Variants in KIF1B observed in about 807,000 individuals in gnomAD.
KIF1B encodes kinesin family member 1B, also known as kinesin-like protein KIF1B.
KIF1B carries 76 observed loss-of-function variants against 241.9 expected under a neutral mutation model. That is an observed-to-expected ratio of 0.31 (90% CI 0.26 to 0.38). The LOEUF is 0.38. KIF1B is among the 10% of genes least tolerant of loss of function. The pLI, the probability that KIF1B is intolerant of heterozygous loss-of-function variation, is 1.00. For synonymous variants in KIF1B, 750 were observed against 796.7 expected (o/e 0.94, Z 0.99); for missense variants, 1,622 against 2,271.4 (o/e 0.71, Z 5.81).
intron 27 of KIF1B, among the ~76,000 whole-genome samples, chr1:10,332,924 G>A (rs1358451007): frequency 6.6e-6 from 1 of 151,346 alleles, no homozygotes; most frequent in Non-Finnish European, 1.5e-5. Flanking sequence ...CGATTCTCCT[G>A]CTACAGCCTC....
At chr1:10,259,705 G>A (rs1460996923) in intron 4 of KIF1B, among the ~76,000 whole-genome samples, 3 of 151,870 alleles carry the variant, frequency 2.0e-5, no homozygotes, top group Non-Finnish European at 4.4e-5. Context: ...GTTTCACCAT[G>A]TTGGTCCTGG....
chr1:10,214,593 T>C (rs1441491138), intron 1 of KIF1B, among the ~76,000 whole-genome samples: 3 of 150,632 alleles, frequency 2.0e-5, no homozygotes, highest in African/African-American at 7.3e-5. Context: ...CTGCCCTTTT[T>C]TTTTTTTGGG....
At chr1:10,243,149 G>T (rs904493812) in intron 2 of KIF1B, among the ~76,000 whole-genome samples, 2 of 152,170 alleles carry the variant, frequency 1.3e-5, no homozygotes, top group Non-Finnish European at 2.9e-5. Context: ...AGGTGTGGTG[G>T]CTCACGCCTG....
At position 10,365,490 on chromosome 1, in the gene KIF1B, C is replaced by T; in HGVS notation, c.4594C>T (p.Pro1532Ser). 3.1e-6 allele frequency: 5 copies of T among 1,614,120 alleles called. No individual in the cohort carries two copies. Among genetic ancestry groups the T allele is most frequent in the Non-Finnish European group, 4.2e-6 (5 of 1,180,026 alleles). Reference protein sequence around the residue: ...IPKSLSDSLSPSLSSGTLSTS... With the variant: ...IPKSLSDSLSSSLSSGTLSTS... ...CAAATCCCTGAGCGACTCGTTATCCCCCAGCCTCAGCAGTGGGACCCTCAG... is the reference window on the plus strand; with the variant it reads ...CAAATCCCTGAGCGACTCGTTATCCTCCAGCCTCAGCAGTGGGACCCTCAG... Residue 1532 changes from proline (P) to serine (S), a missense_variant, in exon 43 of 49, where the codon CCC becomes TCC. Physicochemically the swap from Pro to Ser is moderately conservative, Grantham distance 74. This residue lies in a region of KIF1B where 357 missense variants were observed against 409.0 expected (regional missense o/e 0.87). Transcript: ENST00000676179. This position sits in a 1 kb window ranked among gnomAD's most constrained non-coding sequence, Gnocchi z 4.0.
Position 10,336,761 on chromosome 1 carries a change from G to A in KIF1B, c.3129+19G>A. On this transcript the variant is annotated intron_variant, in intron 29 of 48. Coordinates refer to ENST00000676179, the MANE Select transcript of KIF1B (RefSeq NM_001365951.3). Reference sequence around the variant, plus strand: ...TAATCAGGTGAGAAACCGTCAGGAAGAAGGAAAACCCTGTGGAAAGAGAAA... The same window carrying A: ...TAATCAGGTGAGAAACCGTCAGGAAAAAGGAAAACCCTGTGGAAAGAGAAA... 1 of 1,583,656 alleles carries A rather than the reference G, an allele frequency of 6.3e-7. No individual in the cohort carries two copies. The highest frequency in any genetic ancestry group is 8.7e-7 in the Non-Finnish European group (1 of 1,152,400).
At chr1:10,363,367 G>C in intron 41 of KIF1B, 23 bp downstream of exon 41, 1 of 1,582,024 alleles carries the variant, frequency 6.3e-7, no homozygotes, top group East Asian at 2.2e-5. Flanking sequence ...GGATTGAGGA[G>C]GTGATAGTTA....
At chr1:10,293,313 T>G (rs932966786) in intron 17 of KIF1B, among the ~76,000 whole-genome samples, 1 of 152,132 alleles carries the variant, frequency 6.6e-6, no homozygotes, top group Non-Finnish European at 1.5e-5. Flanking sequence ...GTTACAGTTT[T>G]GGTGGAATTT....
Position 10,303,011 on chromosome 1 carries a change from T to G in KIF1B, c.2115+5765T>G. 1.2e-6 allele frequency: 1 copy of G among 848,800 alleles called. No homozygotes were observed. Among genetic ancestry groups the G allele is most frequent in the Non-Finnish European group, 1.8e-6 (1 of 553,162 alleles). The allele number at this position is 848,800 out of a possible 1,614,324, so 52.6% of individuals were successfully genotyped here. A position where few individuals can be genotyped will look rare whatever the true frequency, so the allele number is the denominator to read the frequency against. ...AGACTTCCACATTATTGAGGGGTTT[T>G]TTTTGGTTTTGTTTTGTTTTTTAGT... On this transcript the variant is annotated intron_variant, in intron 22 of 48. Coordinates refer to ENST00000676179, the MANE Select transcript of KIF1B (RefSeq NM_001365951.3). The surrounding 1 kb of genome is among the most constrained non-coding windows in gnomAD (Gnocchi z 5.2).
chr1:10,364,484 G>A (rs1303513250), intron 41 of KIF1B, among the ~76,000 whole-genome samples: 1 of 145,304 alleles, frequency 6.9e-6, no homozygotes, highest in African/African-American at 2.4e-5. Context: ...GATTACAGGC[G>A]TGAGCCATCA....
chr1:10,222,386 G>A (rs1646857011), intron 1 of KIF1B, among the ~76,000 whole-genome samples: 1 of 152,160 alleles, frequency 6.6e-6, no homozygotes, highest in African/African-American at 2.4e-5. Context: ...AGGTTGGATT[G>A]TGGAGGCCCT....
intron 2 of KIF1B, among the ~76,000 whole-genome samples, chr1:10,238,386 A>G (rs1490902523): frequency 3.3e-5 from 5 of 150,526 alleles, no homozygotes; most frequent in African/African-American, 4.9e-5. Flanking sequence ...TGTCTCAAAA[A>G]AAAAAAAAAA....
At chr1:10,345,531 A>G (rs1652556897) in intron 34 of KIF1B, 3 of 357,648 alleles carry the variant, frequency 8.4e-6, no homozygotes, top group African/African-American at 4.2e-5. Flanking sequence ...CGTGTCACAC[A>G]ATCTGAGATT....
chr1:10,303,411 G>T lies in KIF1B; in HGVS notation c.2115+6165G>T. 1 of 1,614,220 alleles carries T rather than the reference G, an allele frequency of 6.2e-7. No individual in the cohort carries two copies. Among genetic ancestry groups the T allele is most frequent in the Non-Finnish European group, 8.5e-7 (1 of 1,180,030 alleles). ...ATCTTAAAATTCAGGCTGTCAAAGA[G>T]ATTTGCTATGAGGTTGCTCTCAATG... On this transcript the variant is annotated intron_variant, in intron 22 of 48. Transcript: ENST00000676179. This position sits in a 1 kb window ranked among gnomAD's most constrained non-coding sequence, Gnocchi z 5.2.
In KIF1B at chr1:10,273,024, C is replaced by G; in HGVS notation, c.875C>G (p.Thr292Ser). 4 of 1,546,280 alleles carry G rather than the reference C, an allele frequency of 2.6e-6. No homozygotes were observed. The highest frequency in any genetic ancestry group is 2.6e-6 in the Non-Finnish European group (3 of 1,143,350). Residue 292 changes from threonine (T) to serine (S), a missense_variant, in exon 10 of 49, where the codon ACT becomes AGT. Around this residue, in one of 7 missense-constraint regions of KIF1B, gnomAD observed 201 missense variants for 301.2 expected, o/e 0.67. Coordinates refer to ENST00000676179, the MANE Select transcript of KIF1B (RefSeq NM_001365951.3). The part of the protein sequence containing the change: ...ISALAEVDNC[T>S]SKSKKKKKTD... Reference sequence around the variant, plus strand: ...TGCTTTCACCTGTAGGATAACTGCACTAGCAAGGTACAGTGGGGATTGGTA... The same window carrying G: ...TGCTTTCACCTGTAGGATAACTGCAGTAGCAAGGTACAGTGGGGATTGGTA...
At position 10,313,670 on chromosome 1, in the gene KIF1B, G is replaced by C. The variant is rs111309149; in HGVS notation, c.2116-6373G>C. ...GGTTCACACCATTCTCCTGCCTCAG[G>C]CTCCCGAGTAGCTGGGACTACAGGT... On this transcript the variant is annotated intron_variant, in intron 22 of 48. Transcript: ENST00000676179. Among the ~76,000 whole-genome samples the C allele has an allele frequency of 3.5e-3, 513 of 146,168 alleles. 17 individuals are homozygous for C. Among genetic ancestry groups the C allele is most frequent in the African/African-American group, 0.013 (486 of 38,626 alleles).
Position 10,258,565 on chromosome 1 carries a change from T to A in KIF1B, c.256T>A (p.Phe86Ile), listed in dbSNP as rs1176904595. ...DIGKEMLLHA[F>I]EGYNVCIFAY... is the part of the protein sequence containing the mutation. The stretch of plus-strand genomic sequence containing the variant: ...TGGCAAGGAAATGCTCTTACACGCC[T>A]TTGAGGGATATAATGTCTGTATTTT... Residue 86 changes from phenylalanine (F) to isoleucine (I), a missense_variant, in exon 4 of 49, where the codon TTT (phenylalanine) becomes ATT (isoleucine). Coordinates refer to ENST00000676179, the MANE Select transcript of KIF1B (RefSeq NM_001365951.3). 5 of 1,614,030 alleles carry A rather than the reference T, an allele frequency of 3.1e-6. No homozygotes were observed. Among genetic ancestry groups the A allele is most frequent in the Non-Finnish European group, 4.2e-6 (5 of 1,180,012 alleles).
intron 15 of KIF1B, 87 bp downstream of exon 15, chr1:10,282,620 C>T (rs1197942209): frequency 6.7e-5 from 74 of 1,104,510 alleles, no homozygotes; most frequent in Admixed American, 1.7e-5. Flanking sequence ...GATTTCGACT[C>T]AGCATATGGA....
At chr1:10,244,802 C>G (rs967445484) in intron 2 of KIF1B, among the ~76,000 whole-genome samples, 1 of 150,088 alleles carries the variant, frequency 6.7e-6, no homozygotes, top group East Asian at 2.0e-4. Context: ...TTAGTAGAGA[C>G]GGGGTTTCAC....
intron 2 of KIF1B, among the ~76,000 whole-genome samples, chr1:10,237,729 G>A (rs1413188183): frequency 1.3e-5 from 2 of 152,140 alleles, no homozygotes; most frequent in East Asian, 1.9e-4. Flanking sequence ...TTGGGGGGTG[G>A]GTGCAGTGAC....
Sources: allele counts gnomAD v4.1 joint callset (sites outside exome capture counted in the v4.1 genomes callset), GRCh38; gene constraint gnomAD v4.1.1; regional missense constraint gnomAD v4.1.1; non-coding constraint Gnocchi (gnomAD v3.1); transcripts MANE v1.5; gene names NCBI Gene and HGNC (gene_info 2026-07-23, HGNC 2026-07-21).